The following CR1 variants were observed in gnomAD, a reference collection of about 807,000 sequenced individuals.
CR1 encodes complement receptor type 1.
A neutral mutation model predicts 187.3 loss-of-function variants in CR1; 116 were observed. That is an observed-to-expected ratio of 0.62 (90% confidence interval 0.53 to 0.72). CR1 has a LOEUF of 0.72. CR1 is among the 30% of genes least tolerant of loss of function. CR1 has a pLI of 0.00. For missense variants in CR1, 1,731 were observed against 2,110.7 expected (o/e 0.82, Z 3.52); for synonymous variants, 576 against 747.1 (o/e 0.77, Z 3.73).
intron 25 of CR1, 120 bp downstream of exon 25, chr1:207,568,162 C>G: frequency 6.5e-7 from 1 of 1,541,620 alleles, no homozygotes; most frequent in Non-Finnish European, 8.8e-7. Context: ...AATGGAATGC[C>G]AAACCAATGA....
chr1:207,520,342 C>T lies in CR1; in HGVS notation c.488-3269C>T, dbSNP rs367608303. ...ACCTCTGTGCCCTGCATGGACTTCGCAGATATGCTGCCGTGACCACCTCTC... is the reference window on the plus strand; with the variant it reads ...ACCTCTGTGCCCTGCATGGACTTCGTAGATATGCTGCCGTGACCACCTCTC... On this transcript the variant is annotated intron_variant, in intron 4 of 46. Transcript: ENST00000367049. Among the ~76,000 whole-genome samples the T allele has an allele frequency of 5.9e-5, 9 of 152,362 alleles. No individual in the cohort carries two copies. The East Asian group carries it at 1.5e-3, about 26-fold the overall frequency.
At chr1:207,579,338 C>A (rs546001040) in intron 29 of CR1, among the ~76,000 whole-genome samples, 6 of 152,126 alleles carry the variant, frequency 3.9e-5, no homozygotes, top group East Asian at 3.8e-4. Flanking sequence ...CCCATGTTAG[C>A]CTTGTGCAAC....
intron 39 of CR1, 129 bp downstream of exon 39, chr1:207,612,170 G>C (rs1292458379): frequency 3.0e-5 from 31 of 1,025,170 alleles, no homozygotes; most frequent in Non-Finnish European, 4.3e-5. Context: ...TTTATGGAAG[G>C]GTAGTTTTGA....
intron 39 of CR1, among the ~76,000 whole-genome samples, chr1:207,612,801 G>A (rs1370316577): frequency 6.6e-6 from 1 of 152,256 alleles, no homozygotes; most frequent in Non-Finnish European, 1.5e-5. Context: ...TCTGAGCAGT[G>A]CTGGCGGCTG....
rs746715976 is a variant in CR1, at chr1:207,584,703, C to T, written c.5357C>T (p.Pro1786Leu). The change falls in exon 33 of 47, where the codon CCC (proline) becomes CTC (leucine). Residue 1786 changes from proline (P) to leucine (L), a missense_variant. Transcript: ENST00000367049. ...AILNGRHTGT[P>L]SGDIPYGKEI... ...CTTAATGGGAGACACACAGGAACTC[C>T]CTCTGGAGATATTCCCTATGGAAAA... 2 of 1,613,576 alleles carry T rather than the reference C, an allele frequency of 1.2e-6. No homozygotes were observed. The highest frequency in any genetic ancestry group is 2.7e-5 in the African/African-American group (2 of 74,880).
chr1:207,516,007 G>C (rs189556882), intron 4 of CR1, among the ~76,000 whole-genome samples: 15 of 152,200 alleles, frequency 9.9e-5, no homozygotes, highest in African/African-American at 3.1e-4. Context: ...TTGAAGCCAG[G>C]AGTTCAAGAC....
At chr1:207,582,031 TG>T (rs1395742727) in intron 32 of CR1, 28 bp downstream of exon 32, 1 of 1,528,248 alleles carries the variant, frequency 6.5e-7, no homozygotes, top group Non-Finnish European at 9.0e-7. Context: ...TTGTTCAGTC[TG>T]GATCTTTCTG....
At chr1:207,625,291 C>A (rs1312255249) in intron 45 of CR1, among the ~76,000 whole-genome samples, 1 of 152,156 alleles carries the variant, frequency 6.6e-6, no homozygotes, top group Non-Finnish European at 1.5e-5. Flanking sequence ...ATGGCACAAC[C>A]ATTCTCTCTC....
At chr1:207,606,079 G>A (rs554928466) in intron 35 of CR1, 1 of 152,302 alleles carries the variant, frequency 6.6e-6, no homozygotes, top group South Asian at 2.1e-4. Context: ...AGGCAGTCCA[G>A]GGTTTATACG....
intron 35 of CR1, among the ~76,000 whole-genome samples, chr1:207,602,573 A>G: frequency 6.6e-6 from 1 of 152,120 alleles, no homozygotes; most frequent in East Asian, 1.9e-4. Context: ...ATCTAAAAGC[A>G]TGCTTGAATA....
At chr1:207,515,746 G>A (rs570404427) in intron 4 of CR1, among the ~76,000 whole-genome samples, 61 of 152,220 alleles carry the variant, frequency 4.0e-4, no homozygotes, top group African/African-American at 1.4e-3. Flanking sequence ...TTGTTTTGTA[G>A]AAGTTCTTTA....
At chr1:207,602,327 GAAAAT>G (rs1183083093) in intron 35 of CR1, among the ~76,000 whole-genome samples, 1 of 151,938 alleles carries the variant, frequency 6.6e-6, no homozygotes, top group Non-Finnish European at 1.5e-5. Context: ...GATTACAAAT[GAAAAT>G]AAAATAAAAT....
intron 35 of CR1, among the ~76,000 whole-genome samples, chr1:207,589,039 C>A (rs1661193185): frequency 6.6e-6 from 1 of 152,144 alleles, no homozygotes. Context: ...GTCAGGCATT[C>A]ATTGGATGAA....
rs751520310 is a variant in CR1, at chr1:207,526,841, C to G, written c.975C>G (p.Ser325Arg). The G allele has an allele frequency of 3.3e-6, 5 of 1,495,036 alleles. 2 individuals carry two copies. The South Asian group carries it at 6.4e-5, about 19-fold the overall frequency. The allele number at this position is 1,495,036 out of a possible 1,614,324, so 92.6% of individuals were successfully genotyped here. Reference sequence around the variant, plus strand: ...CACCTGGGCAGGAAGTGTTCTACAGCTGTGAGCCCGGCTACGACCTCAGAG... The same window carrying G: ...CACCTGGGCAGGAAGTGTTCTACAGGTGTGAGCCCGGCTACGACCTCAGAG... ...NFSPGQEVFYSCEPGYDLRGA... is the reference protein window; with the variant it reads ...NFSPGQEVFYRCEPGYDLRGA... The change falls in exon 6 of 47, where the codon AGC (serine) becomes AGG (arginine). Residue 325 changes from serine (S) to arginine (R), a missense_variant. Physicochemically the swap from Ser to Arg is moderately radical, Grantham distance 110 (BLOSUM62 -1). Around this residue, in one of 5 missense-constraint regions of CR1, gnomAD observed 131 missense variants for 196.8 expected, o/e 0.67. Transcript: ENST00000367049.
intron 24 of CR1, among the ~76,000 whole-genome samples, chr1:207,566,841 A>G (rs1243478169): frequency 1.3e-5 from 2 of 150,300 alleles, no homozygotes; most frequent in Admixed American, 1.3e-4. Flanking sequence ...TCTTTAGAAA[A>G]TCATGAAATT....
intron 27 of CR1, among the ~76,000 whole-genome samples, chr1:207,572,909 C>T (rs1166599573): frequency 6.6e-6 from 1 of 151,286 alleles, no homozygotes; most frequent in African/African-American, 2.4e-5. Context: ...TCCTCATATG[C>T]TGTTCTCTCT....
At chr1:207,499,850 C>T (rs1048750103) in intron 1 of CR1, among the ~76,000 whole-genome samples, 1 of 152,106 alleles carries the variant, frequency 6.6e-6, no homozygotes, top group African/African-American at 2.4e-5. Context: ...CTATTTTAAT[C>T]TAAAATAAGC....
Position 207,567,151 on chromosome 1 carries a change from T to C in CR1, c.3953-673T>C, listed in dbSNP as rs1166252274. Among the ~76,000 whole-genome samples, 6 of 150,306 alleles carry C rather than the reference T, an allele frequency of 4.0e-5. No homozygotes were observed. The East Asian group carries it at 9.6e-4, about 24-fold the overall frequency. On this transcript the variant is annotated intron_variant, in intron 24 of 46. Coordinates refer to ENST00000367049, the MANE Select transcript of CR1 (RefSeq NM_000651.6). ...GAAGAGACTGTTCTAAACAAATCAT[T>C]AGATGCTAGAAAGGAGTAACAACTT...
In CR1 at chr1:207,618,156, C is replaced by A; in HGVS notation, c.6975C>A (p.Tyr2325Ter). 1.2e-6 allele frequency: 2 copies of A among 1,613,924 alleles called. No homozygotes were observed. The highest frequency in any genetic ancestry group is 1.7e-6 in the Non-Finnish European group (2 of 1,179,864). Residue 2325 changes from tyrosine (Y) to a stop codon, truncating the protein, a stop_gained, in exon 42 of 47, where the codon TAC becomes TAA. Transcript: ENST00000367049. LOFTEE classifies it high-confidence loss of function. ...SLYLPGMTIS[Y>*]ICDPGYLLVG... ...ATCTTCCTGGGATGACAATCAGCTACATTTGTGACCCCGGCTACCTGTTAG... is the reference window on the plus strand; with the variant it reads ...ATCTTCCTGGGATGACAATCAGCTAAATTTGTGACCCCGGCTACCTGTTAG...
Sources: allele counts gnomAD v4.1 joint callset (sites outside exome capture counted in the v4.1 genomes callset), GRCh38; gene constraint gnomAD v4.1.1; regional missense constraint gnomAD v4.1.1; transcripts MANE v1.5; gene names NCBI Gene and HGNC (gene_info 2026-07-23, HGNC 2026-07-21).